Variants in UBA5 observed in about 807,000 individuals in gnomAD.
UBA5 encodes the protein ubiquitin-like modifier-activating enzyme 5.
In UBA5, 28 loss-of-function variants were observed where a neutral mutation model predicts 52.9. The ratio of observed to expected loss-of-function variants is 0.53; its 90% CI spans 0.39 to 0.73. The LOEUF (loss-of-function observed/expected upper bound fraction) is 0.73, where lower values mean the gene tolerates loss of function less well. UBA5 is among the 30% of genes least tolerant of loss of function. UBA5 has a pLI of 0.00. For missense variants in UBA5, 388 were observed against 492.7 expected (o/e 0.79, Z 2.01); for synonymous variants, 135 against 162.1 (o/e 0.83, Z 1.27).
At chr3:132,659,282 G>A (rs1937994476), upstream of UBA5, among the ~76,000 whole-genome samples, 1 of 152,228 alleles carries the variant, frequency 6.6e-6, no homozygotes, top group African/African-American at 2.4e-5. Flanking sequence ...TATCACAAAA[G>A]AAGGCATCTA....
At position 132,670,261 on chromosome 3, in the gene UBA5, T is replaced by C. The variant is rs1022332581; in HGVS notation, c.471T>C (p.Phe157=). 1 of 1,467,038 alleles carries C rather than the reference T, an allele frequency of 6.8e-7. No individual in the cohort carries two copies. The highest frequency in any genetic ancestry group is 9.5e-7 in the Non-Finnish European group (1 of 1,057,482). 90.9% of individuals were successfully genotyped at this position (1,467,038 alleles called of 1,614,324 possible). A position where few individuals can be genotyped will look rare whatever the true frequency, so the allele number is the denominator to read the frequency against. ...ATAATATAACCACAGTGGAAAACTT[T>C]CAACATTTCATGGATAGAATAAGGT... ...HNYNITTVEN[F]QHFMDRISNG... The change falls in exon 5 of 12, where the codon TTT becomes TTC. Residue 157 remains phenylalanine (F), a synonymous_variant. Coordinates refer to ENST00000356232, the MANE Select transcript of UBA5 (RefSeq NM_024818.6).
intron 1 of UBA5, among the ~76,000 whole-genome samples, chr3:132,665,295 A>G (rs1043214159): frequency 1.3e-5 from 2 of 152,116 alleles, no homozygotes; most frequent in African/African-American, 4.8e-5. Context: ...CTTAAAGTGA[A>G]GATGAATGGG....
chr3:132,673,681 T>TA (rs1938705040), intron 8 of UBA5, among the ~76,000 whole-genome samples: 1 of 151,102 alleles, frequency 6.6e-6, no homozygotes, highest in Admixed American at 6.6e-5. Flanking sequence ...TTTTTTTTTT[T>TA]AAACAGGGTT....
At chr3:132,655,393 C>A (rs1368185184), upstream of UBA5, among the ~76,000 whole-genome samples, 1 of 152,182 alleles carries the variant, frequency 6.6e-6, no homozygotes, top group Non-Finnish European at 1.5e-5. Context: ...CATCTCAATT[C>A]AAAGTAAAAG....
rs922519856 is a variant in UBA5, at chr3:132,660,444, C to T, written c.-94C>T. The stretch of plus-strand genomic sequence containing the variant: ...CTAGGAAGGCAGCGGCGAGGTGCCT[C>T]CCCACGTACCCCTCGCGGGCCCAGC... On this transcript the variant is annotated 5_prime_UTR_variant, in exon 1 of 12. Transcript: ENST00000356232. The surrounding 1 kb of genome is among the most constrained non-coding windows in gnomAD (Gnocchi z 4.1). 4.7e-6 allele frequency: 7 copies of T among 1,481,058 alleles called. No individual in the cohort carries two copies. In the South Asian group the frequency reaches 6.3e-5, roughly 13 times the overall value. 91.7% of individuals were successfully genotyped at this position (1,481,058 alleles called of 1,614,324 possible). A position where few individuals can be genotyped will look rare whatever the true frequency, so the allele number is the denominator to read the frequency against.
intron 5 of UBA5, 30 bp downstream of exon 5, chr3:132,670,314 T>A: frequency 1.1e-6 from 1 of 938,322 alleles, no homozygotes; most frequent in South Asian, 1.5e-5. Flanking sequence ...ATATTTTGTA[T>A]AATGTCCAGC....
upstream of UBA5, chr3:132,660,281 G>C (rs1030192150): frequency 3.5e-6 from 2 of 577,240 alleles, no homozygotes; most frequent in Non-Finnish European, 6.1e-6. This position sits in a 1 kb window ranked among gnomAD's most constrained non-coding sequence, Gnocchi z 4.1. Context: ...AGCGAGGAAG[G>C]AAGCCGAAAG....
intron 8 of UBA5, among the ~76,000 whole-genome samples, chr3:132,673,627 C>T (rs941189399): frequency 7.9e-5 from 12 of 151,698 alleles, no homozygotes; most frequent in Middle Eastern, 3.4e-3. Context: ...GGATTACAGG[C>T]GTGAGCCACT....
Position 132,676,700 on chromosome 3 carries a change from T to A in UBA5, c.*174T>A. The stretch of plus-strand genomic sequence containing the variant: ...CCTGTTTCTCCCCGCTCCAACGAAA[T>A]CATTAACTCTCCTAAAATGTGTTTC... On this transcript the variant is annotated 3_prime_UTR_variant, in exon 12 of 12. Transcript: ENST00000356232. The surrounding 1 kb of genome is among the most constrained non-coding windows in gnomAD (Gnocchi z 4.1). 2 of 607,228 alleles carry A rather than the reference T, an allele frequency of 3.3e-6. No individual in the cohort carries two copies. The highest frequency in any genetic ancestry group is 6.0e-6 in the Non-Finnish European group (2 of 335,036). The allele number at this position is 607,228 out of a possible 1,614,324, so 37.6% of individuals were successfully genotyped here.
At chr3:132,656,849 G>GT (rs200968218), upstream of UBA5, among the ~76,000 whole-genome samples, 2,249 of 143,846 alleles carry the variant, frequency 0.016, 49 homozygotes, top group African/African-American at 0.05. Flanking sequence ...TCATTGTGTT[G>GT]TTTTTTTTTT....
rs146420900 is a variant in UBA5, at chr3:132,677,231, A to C, written c.*705A>C. On this transcript the variant is annotated 3_prime_UTR_variant, in exon 12 of 12. Coordinates refer to ENST00000356232, the MANE Select transcript of UBA5 (RefSeq NM_024818.6). ...AAGTATAAATTATATTCTGCACCGA[A>C]CAAGGAACAGAAATTATTGCATCTG... 1.1e-3 allele frequency: 191 copies of C among 173,884 alleles called. 1 individual carries two copies. Among genetic ancestry groups the C allele is most frequent in the African/African-American group, 3.8e-3 (161 of 42,258 alleles). The allele number at this position is 173,884 out of a possible 1,614,324, so 10.8% of individuals were successfully genotyped here.
chr3:132,675,916 CA>C lies in UBA5; in HGVS notation c.1130del (p.Lys377SerfsTer9). On this transcript the variant is annotated frameshift_variant, in exon 11 of 12. Coordinates refer to ENST00000356232, the MANE Select transcript of UBA5 (RefSeq NM_024818.6). LOFTEE classifies it high-confidence loss of function. The stretch of plus-strand genomic sequence containing the variant: ...GGAATTACAGTGGCATACACAATTC[CA>C]AAAAAGGTACTTCAAAAATATGATT... ...PEGITVAYTIPKKQEDSVTEL... is the reference protein window; with the variant it reads ...PEGITVAYTIXKKQEDSVTEL... The C allele has an allele frequency of 4.4e-6, 7 of 1,581,954 alleles. No individual in the cohort carries two copies. The highest frequency in any genetic ancestry group is 2.3e-5 in the East Asian group (1 of 44,432).
At chr3:132,667,791 GT>G (rs1423916555) in intron 3 of UBA5, 1 of 152,142 alleles carries the variant, frequency 6.6e-6, no homozygotes, top group Non-Finnish European at 1.5e-5. Context: ...CTGTTCCCAA[GT>G]TTAATGTTTC....
At chr3:132,665,641 T>C (rs760720892) in intron 1 of UBA5, 182 bp from the exon 2 acceptor site, 4 of 586,440 alleles carry the variant, frequency 6.8e-6, no homozygotes, top group African/African-American at 3.7e-5. Context: ...GAGAGTTTTT[T>C]TAAACGGTGC....
At chr3:132,667,982 G>C (rs1332568057) in intron 3 of UBA5, 1 of 151,878 alleles carries the variant, frequency 6.6e-6, no homozygotes, top group African/African-American at 2.4e-5. Flanking sequence ...TATGGGTTAG[G>C]TTAATTTTTT....
At chr3:132,662,911 G>C (rs951430125) in intron 1 of UBA5, among the ~76,000 whole-genome samples, 1 of 152,166 alleles carries the variant, frequency 6.6e-6, no homozygotes, top group African/African-American at 2.4e-5. Context: ...ATTGAAGGGA[G>C]CATCAAGGTA....
In UBA5 at chr3:132,660,609, T is replaced by C. The variant is rs1576636502; in HGVS notation, c.72T>C (p.Ser24=). 6 of 1,555,198 alleles carry C rather than the reference T, an allele frequency of 3.9e-6. No individual in the cohort carries two copies. In the South Asian group the frequency reaches 7.1e-5, roughly 18 times the overall value. Residue 24 remains serine, a synonymous_variant, in exon 1 of 12, where the codon AGT becomes AGC. Transcript: ENST00000356232. This position sits in a 1 kb window ranked among gnomAD's most constrained non-coding sequence, Gnocchi z 4.1. ...AGCGGGAACTTGCCCAGGAGAGGAG[T>C]CTGCAGGTCCCGAGGAGCGGCGACG... is the stretch of plus-strand genomic sequence containing the variant. ...ELERELAQER[S]LQVPRSGDGG...
intron 3 of UBA5, 151 bp downstream of exon 3, chr3:132,666,224 C>T (rs1168581290): frequency 4.9e-6 from 3 of 616,576 alleles, no homozygotes; most frequent in Non-Finnish European, 8.5e-6. Context: ...TGAGACATAT[C>T]CCCACCCAAA....
intron 8 of UBA5, among the ~76,000 whole-genome samples, chr3:132,673,655 T>C (rs907282317): frequency 6.6e-6 from 1 of 150,660 alleles, no homozygotes; most frequent in Non-Finnish European, 1.5e-5. Flanking sequence ...GCCTAGAGTT[T>C]TCTATAGTAC....
Sources: allele counts gnomAD v4.1 joint callset (sites outside exome capture counted in the v4.1 genomes callset), GRCh38; gene constraint gnomAD v4.1.1; non-coding constraint Gnocchi (gnomAD v3.1); transcripts MANE v1.5; gene names NCBI Gene and HGNC (gene_info 2026-07-23, HGNC 2026-07-21).